The following PPP4R3B variants were observed in gnomAD, a reference collection of about 807,000 sequenced individuals.
PPP4R3B encodes protein phosphatase 4 regulatory subunit 3B, also known as serine/threonine-protein phosphatase 4 regulatory subunit 3B.
In PPP4R3B, 52 loss-of-function variants were observed where a neutral mutation model predicts 95.4. The observed-to-expected ratio is 0.54, with a 90% CI of 0.44 to 0.69. The LOEUF is 0.69. PPP4R3B is among the 30% of genes least tolerant of loss of function. The probability of loss-of-function intolerance (pLI) is 0.00; values close to 1 mark genes in which losing one functional copy is unlikely to be tolerated. For synonymous variants in PPP4R3B, 407 were observed against 343.9 expected (o/e 1.18, Z -2.03); for missense variants, 1,003 against 1,005.9 (o/e 1.00, Z 0.04).
chr2:55,611,121 CAA>C (rs373213056), intron 2 of PPP4R3B, among the ~76,000 whole-genome samples: 37 of 152,254 alleles, frequency 2.4e-4, no homozygotes, highest in African/African-American at 8.4e-4. Flanking sequence ...CTCAGCCTCC[CAA>C]AGTGTTGAGA....
intron 13 of PPP4R3B, chr2:55,565,790 G>T (rs1223700090): frequency 2.1e-5 from 4 of 194,250 alleles, no homozygotes; most frequent in African/African-American, 7.0e-5. Context: ...GCTGGCAAAG[G>T]CTTGATGACA....
rs751153895 is a variant in PPP4R3B, at chr2:55,558,798, G to A, written c.2431C>T (p.Pro811Ser). 13 of 1,610,976 alleles carry A rather than the reference G, an allele frequency of 8.1e-6. No homozygotes were observed. In the East Asian group the frequency reaches 1.3e-4, roughly 17 times the overall value. The stretch of plus-strand genomic sequence containing the variant: ...ACCTTGGTGGCTGTTACTGACGTAG[G>A]CAAGTTTGTGGTTTTGGAAGAGGAT... ...NGSSSKTTNLPTSVTATKGSL... is the reference protein window; with the variant it reads ...NGSSSKTTNLSTSVTATKGSL... The change falls in exon 16 of 17, where the codon CCT (proline) becomes TCT (serine). Residue 811 changes from proline (P) to serine (S), a missense_variant. Physicochemically the swap from Pro to Ser is moderately conservative, Grantham distance 74. Coordinates refer to ENST00000616407, the MANE Select transcript of PPP4R3B (RefSeq NM_001122964.3).
intron 7 of PPP4R3B, among the ~76,000 whole-genome samples, chr2:55,583,523 G>C (rs1014228297): frequency 6.6e-6 from 1 of 152,316 alleles, no homozygotes; most frequent in Middle Eastern, 3.4e-3. Flanking sequence ...AGTTTACTAA[G>C]ATCATGGTCT....
At chr2:55,612,350 C>A (rs1054457915) in intron 2 of PPP4R3B, among the ~76,000 whole-genome samples, 3 of 152,168 alleles carry the variant, frequency 2.0e-5, no homozygotes, top group African/African-American at 7.2e-5. Context: ...ATGCCTTTTA[C>A]AAAGGATAAT....
chr2:55,617,169 C>G lies in PPP4R3B; in HGVS notation c.117G>C (p.Ser39=). The change falls in exon 1 of 17, where the codon TCG becomes TCC. Residue 39 remains serine, a synonymous_variant. Transcript: ENST00000616407. The part of the protein sequence containing the change: ...STYVEELKGM[S]LLVRAESDGS... ...CGTCGGACTCTGCCCGAACCAGCAGCGACATCCCCTTGAGCTCCTCCACGT... is the reference window on the plus strand; with the variant it reads ...CGTCGGACTCTGCCCGAACCAGCAGGGACATCCCCTTGAGCTCCTCCACGT... 1 of 1,613,248 alleles carries G rather than the reference C, an allele frequency of 6.2e-7. No individual in the cohort carries two copies. The highest frequency in any genetic ancestry group is 8.5e-7 in the Non-Finnish European group (1 of 1,179,668).
intron 7 of PPP4R3B, among the ~76,000 whole-genome samples, chr2:55,583,569 T>C (rs1361110159): frequency 6.6e-6 from 1 of 152,210 alleles, no homozygotes; most frequent in Admixed American, 6.5e-5. Context: ...ATAAATGCCT[T>C]TAATCACACA....
chr2:55,563,975 T>A (rs1260530694), intron 15 of PPP4R3B, among the ~76,000 whole-genome samples: 1 of 152,048 alleles, frequency 6.6e-6, no homozygotes, highest in Non-Finnish European at 1.5e-5. Flanking sequence ...CTCTAGAAGG[T>A]TTCTATGAAG....
At chr2:55,560,977 GC>G (rs1686535106) in intron 15 of PPP4R3B, among the ~76,000 whole-genome samples, 1 of 152,144 alleles carries the variant, frequency 6.6e-6, no homozygotes, top group Non-Finnish European at 1.5e-5. Context: ...AGAAATTCAA[GC>G]TGGCTGCAGA....
intron 4 of PPP4R3B, among the ~76,000 whole-genome samples, chr2:55,595,656 G>C (rs1559025425): frequency 1.3e-5 from 2 of 150,428 alleles, no homozygotes; most frequent in Non-Finnish European, 2.9e-5. Flanking sequence ...TCAATACCTG[G>C]CTTAACAAAT....
chr2:55,558,608 AAAAAT>A (rs535280107), intron 16 of PPP4R3B, among the ~76,000 whole-genome samples, 162 bp downstream of exon 16: 72 of 152,304 alleles, frequency 4.7e-4, no homozygotes, highest in South Asian at 8.3e-4. Context: ...CTCTGTCTCA[AAAAAT>A]AAAATAAAAT....
chr2:55,578,236 A>C lies in PPP4R3B; in HGVS notation c.1564+11T>G. On this transcript the variant is annotated intron_variant, in intron 10 of 16. Transcript: ENST00000616407. ...TAAATATAGGAGTGATACACTCCAA[A>C]TTCAGCATACCTTGAGAGATGGAGG... is the stretch of plus-strand genomic sequence containing the variant. The C allele has an allele frequency of 7.1e-7, 1 of 1,414,244 alleles. No individual in the cohort carries two copies. Among genetic ancestry groups the C allele is most frequent in the African/African-American group, 1.5e-5 (1 of 68,564 alleles). The allele number at this position is 1,414,244 out of a possible 1,614,324, so 87.6% of individuals were successfully genotyped here. A position where few individuals can be genotyped will look rare whatever the true frequency, so the allele number is the denominator to read the frequency against.
At position 55,587,984 on chromosome 2, in the gene PPP4R3B, G is replaced by A. The variant is rs375593377; in HGVS notation, c.999+895C>T. ...TCCTGTAGCAATTCAATATCAGATA[G>A]CTAAATTATAGAATTGAATATGCAT... is the stretch of plus-strand genomic sequence containing the variant. On this transcript the variant is annotated intron_variant, in intron 5 of 16. Transcript: ENST00000616407. 3.9e-5 allele frequency among the ~76,000 whole-genome samples: 6 copies of A among 152,200 alleles called. No homozygotes were observed. The East Asian group carries it at 1.2e-3, about 29-fold the overall frequency.
chr2:55,591,585 T>C (rs1574838738), intron 4 of PPP4R3B: 1 of 983,976 alleles, frequency 1.0e-6, no homozygotes, highest in African/African-American at 1.7e-5. Flanking sequence ...CCTGAAAATT[T>C]AATTTTTTCA....
chr2:55,558,702 T>A (rs1009730618), intron 16 of PPP4R3B, 73 bp downstream of exon 16: 2 of 1,211,636 alleles, frequency 1.7e-6, no homozygotes, highest in East Asian at 5.1e-5. Flanking sequence ...ATTATCCAAA[T>A]TTTTTTCAGT....
In PPP4R3B at chr2:55,564,917, T is replaced by C; in HGVS notation, c.2060A>G (p.Asn687Ser). 6.2e-7 allele frequency: 1 copy of C among 1,610,606 alleles called. No homozygotes were observed. Among genetic ancestry groups the C allele is most frequent in the Non-Finnish European group, 8.5e-7 (1 of 1,178,876 alleles). ...TKYEQEKDRQ[N>S]QKLNSVPSIL... The stretch of plus-strand genomic sequence containing the variant: ...TAAACAATACCTGTTCAGTTTCTGA[T>C]TTTGTCTGTCTTTTTCTTGCTCATA... Residue 687 changes from asparagine to serine, a missense_variant, in exon 14 of 17, where the codon AAT (asparagine) becomes AGT (serine). Physicochemically the swap from Asn to Ser is conservative, Grantham distance 46. This residue lies in a region of PPP4R3B where 229 missense variants were observed against 194.7 expected (regional missense o/e 1.18). Transcript: ENST00000616407.
chr2:55,568,309 C>T lies in PPP4R3B; in HGVS notation c.1820G>A (p.Arg607His), dbSNP rs143018045. Residue 607 changes from arginine to histidine, a missense_variant, in exon 13 of 17, where the codon CGT becomes CAT. Transcript: ENST00000616407. ...AAAAAGATTTCCCTTGGTGATGTAA[C>T]GATTATAAAATTCATCTTTAAGTCC... ...IIGLKDEFYN[R>H]YITKGNLFEP... is the part of the protein sequence containing the mutation. The T allele has an allele frequency of 5.7e-5, 91 of 1,608,474 alleles. 1 individual carries two copies. In the African/African-American group the frequency reaches 9.2e-4, roughly 16 times the overall value.
intron 2 of PPP4R3B, among the ~76,000 whole-genome samples, chr2:55,611,495 A>C (rs1694160724): frequency 6.6e-6 from 1 of 152,232 alleles, no homozygotes; most frequent in Non-Finnish European, 1.5e-5. Flanking sequence ...ATCTTCTTCC[A>C]TTAACGACTT....
intron 3 of PPP4R3B, among the ~76,000 whole-genome samples, chr2:55,602,393 C>G (rs1692741923): frequency 6.6e-6 from 1 of 152,140 alleles, no homozygotes; most frequent in East Asian, 1.9e-4. Flanking sequence ...TATCTAGCCC[C>G]AGAGAGGTAA....
At position 55,599,166 on chromosome 2, in the gene PPP4R3B, G is replaced by C. The variant is rs371155358; in HGVS notation, c.298-127C>G. On this transcript the variant is annotated intron_variant, in intron 3 of 16. Coordinates refer to ENST00000616407, the MANE Select transcript of PPP4R3B (RefSeq NM_001122964.3). ...TAAAAGTGAAGTCTAGGCCAGGCAC[G>C]GTGGCTCACGCCTGTAATCCCAGCA... 71 of 868,326 alleles carry C rather than the reference G, an allele frequency of 8.2e-5. No homozygotes were observed. The African/African-American group carries it at 8.5e-4, about 10-fold the overall frequency. 53.8% of individuals were successfully genotyped at this position (868,326 alleles called of 1,614,324 possible). A position where few individuals can be genotyped will look rare whatever the true frequency, so the allele number is the denominator to read the frequency against.
Sources: allele counts gnomAD v4.1 joint callset (sites outside exome capture counted in the v4.1 genomes callset), GRCh38; gene constraint gnomAD v4.1.1; regional missense constraint gnomAD v4.1.1; transcripts MANE v1.5; gene names NCBI Gene and HGNC (gene_info 2026-07-23, HGNC 2026-07-21).